The following RTN4RL1 variants were observed in gnomAD, a reference collection of about 807,000 sequenced individuals.
RTN4RL1 encodes reticulon-4 receptor-like 1.
Under a neutral mutation model 25.6 loss-of-function variants are expected in RTN4RL1, and 7 were observed. The ratio of observed to expected loss-of-function variants is 0.27; its 90% confidence interval spans 0.16 to 0.51. The LOEUF (loss-of-function observed/expected upper bound fraction) is 0.51. Among genes scored for constraint, RTN4RL1 ranks in the 20% least tolerant of loss-of-function variants. The pLI, the probability that RTN4RL1 is intolerant of heterozygous loss-of-function variation, is 0.97. For missense variants in RTN4RL1, 500 were observed against 615.6 expected, an observed-to-expected ratio of 0.81 and a Z score of 1.99; for synonymous variants, 297 against 288.2, an observed-to-expected ratio of 1.03 and a Z score of -0.31.
At chr17:1,990,967 G>A (rs1343665280) in intron 1 of RTN4RL1, among the ~76,000 whole-genome samples, 1 of 152,120 alleles carries the variant, frequency 6.6e-6, no homozygotes, top group Non-Finnish European at 1.5e-5. Context: ...CCACAATGGA[G>A]AAAATGAGAG....
chr17:2,012,002 G>C (rs1039884734), intron 1 of RTN4RL1, among the ~76,000 whole-genome samples: 2 of 152,182 alleles, frequency 1.3e-5, no homozygotes, highest in African/African-American at 4.8e-5. Flanking sequence ...GCAGTTCAAA[G>C]TAACGAGTCA....
At chr17:1,978,249 G>A (rs1393130542) in intron 1 of RTN4RL1, among the ~76,000 whole-genome samples, 1 of 152,202 alleles carries the variant, frequency 6.6e-6, no homozygotes, top group Non-Finnish European at 1.5e-5. Context: ...GTGGCCAAGA[G>A]CCCCGACCCG....
chr17:1,982,546 G>A (rs1302971131), intron 1 of RTN4RL1, among the ~76,000 whole-genome samples: 5 of 152,126 alleles, frequency 3.3e-5, no homozygotes, highest in Non-Finnish European at 2.9e-5. Flanking sequence ...ACCAGGGAGC[G>A]GAGGTTGCAG....
Position 1,998,447 on chromosome 17 carries a change from G to A in RTN4RL1, c.13+26406C>T, listed in dbSNP as rs917470853. Among the ~76,000 whole-genome samples, 46 of 152,072 alleles carry A rather than the reference G, an allele frequency of 3.0e-4. No homozygotes were observed. Among genetic ancestry groups the A allele is most frequent in the African/African-American group, 1.1e-3 (44 of 41,542 alleles). ...TTCCCTCTCGCGGGAGCCGCCGGCC[G>A]GGGATCTGCGCACCCCACGCGCCCC... On this transcript the variant is annotated intron_variant, in intron 1 of 1. Coordinates refer to ENST00000331238, the MANE Select transcript of RTN4RL1 (RefSeq NM_178568.4). The surrounding 1 kb of genome is among the most constrained non-coding windows in gnomAD (Gnocchi z 4.9).
At chr17:1,971,281 G>T (rs1033218715) in intron 1 of RTN4RL1, among the ~76,000 whole-genome samples, 1 of 152,178 alleles carries the variant, frequency 6.6e-6, no homozygotes, top group Non-Finnish European at 1.5e-5. Flanking sequence ...TGCGAAGAAG[G>T]ATGTGTTTGC....
intron 1 of RTN4RL1, among the ~76,000 whole-genome samples, chr17:1,971,961 CAA>C (rs1323277246): frequency 3.3e-4 from 20 of 59,824 alleles, no homozygotes; most frequent in Admixed American, 7.2e-4. Flanking sequence ...GACTCCCTCT[CAA>C]AAAAAAAAAA....
chr17:2,001,964 C>T (rs896485332), intron 1 of RTN4RL1, among the ~76,000 whole-genome samples: 1 of 143,564 alleles, frequency 7.0e-6, no homozygotes, highest in Non-Finnish European at 1.5e-5. Context: ...GGAGCTCAGG[C>T]AGACCTACTT....
At chr17:1,956,542 G>C (rs926097505) in intron 1 of RTN4RL1, among the ~76,000 whole-genome samples, 1 of 152,176 alleles carries the variant, frequency 6.6e-6, no homozygotes, top group Non-Finnish European at 1.5e-5. Flanking sequence ...TAACAGGCAC[G>C]ATGTTTAGAG....
intron 1 of RTN4RL1, 45 bp from the exon 2 acceptor site, chr17:1,937,853 G>T (rs1484356287): frequency 1.4e-6 from 2 of 1,460,632 alleles, no homozygotes; most frequent in African/African-American, 2.8e-5. Flanking sequence ...CCGTGCAGGT[G>T]AGGACTGGCA....
intron 1 of RTN4RL1, among the ~76,000 whole-genome samples, chr17:1,964,788 C>CTTTTTTTTTTTTTTTTT (rs34138766): frequency 1.6e-5 from 2 of 124,716 alleles, no homozygotes; most frequent in Non-Finnish European, 1.6e-5. Context: ...CTTTTCTTTT[C>CTTTTTTTTTTTTTTTTT]TTTTTTTTTT....
intron 1 of RTN4RL1, among the ~76,000 whole-genome samples, chr17:1,946,709 CTGTG>C (rs1197411008): frequency 8.2e-5 from 11 of 134,242 alleles, no homozygotes; most frequent in Admixed American, 2.4e-4. Flanking sequence ...TGCACGGGGT[CTGTG>C]TGTGTCTCTG....
chr17:2,004,140 G>A (rs1422015599), intron 1 of RTN4RL1, among the ~76,000 whole-genome samples: 5 of 151,722 alleles, frequency 3.3e-5, no homozygotes, highest in Non-Finnish European at 5.9e-5. Context: ...AGGCCGAGGC[G>A]GGTGGATCAC....
At chr17:1,971,385 G>T (rs1264306730) in intron 1 of RTN4RL1, among the ~76,000 whole-genome samples, 1 of 152,188 alleles carries the variant, frequency 6.6e-6, no homozygotes, top group Non-Finnish European at 1.5e-5. Flanking sequence ...AAATCACCCA[G>T]TCTCGGGTGT....
At chr17:1,984,187 C>A (rs1315829505) in intron 1 of RTN4RL1, among the ~76,000 whole-genome samples, 3 of 152,218 alleles carry the variant, frequency 2.0e-5, no homozygotes, top group Admixed American at 1.3e-4. Context: ...GATATTCTCC[C>A]CCCTAAAATG....
At chr17:2,011,895 C>T (rs958295335) in intron 1 of RTN4RL1, among the ~76,000 whole-genome samples, 7 of 152,254 alleles carry the variant, frequency 4.6e-5, no homozygotes, top group South Asian at 2.1e-4. Context: ...AAGAAGTTCC[C>T]GAGCCTCTTT....
rs913279902 is a variant in RTN4RL1 at position 1,998,159 on chromosome 17, G to A, written c.13+26694C>T. ...CGGAGGGGGCGGGGAGGCCTCCTTG[G>A]CTCCCTGGCCCGGATTAAATATTTA... On this transcript the variant is annotated intron_variant, in intron 1 of 1. Coordinates refer to ENST00000331238, the MANE Select transcript of RTN4RL1 (RefSeq NM_178568.4). The surrounding 1 kb of genome is among the most constrained non-coding windows in gnomAD (Gnocchi z 4.9). 1.3e-5 allele frequency among the ~76,000 whole-genome samples: 2 copies of A among 151,982 alleles called. No homozygotes were observed. The highest frequency in any genetic ancestry group is 6.5e-5 in the Admixed American group (1 of 15,270).
chr17:1,978,982 A>T (rs2066855346), intron 1 of RTN4RL1, among the ~76,000 whole-genome samples: 1 of 152,230 alleles, frequency 6.6e-6, no homozygotes, highest in African/African-American at 2.4e-5. Flanking sequence ...CACCATTTCC[A>T]TCAATCCTAA....
chr17:1,975,022 G>A (rs184193886), intron 1 of RTN4RL1, among the ~76,000 whole-genome samples: 1 of 152,286 alleles, frequency 6.6e-6, no homozygotes, highest in Non-Finnish European at 1.5e-5. Flanking sequence ...GAATCCAGAG[G>A]CCCAGGGGCC....
chr17:1,941,160 G>A (rs1915430508), intron 1 of RTN4RL1, among the ~76,000 whole-genome samples: 1 of 152,186 alleles, frequency 6.6e-6, no homozygotes, highest in Non-Finnish European at 1.5e-5. Context: ...TAAGGTCCAG[G>A]ATGCAGTTCT....
Sources: allele counts gnomAD v4.1 joint callset (sites outside exome capture counted in the v4.1 genomes callset), GRCh38; gene constraint gnomAD v4.1.1; non-coding constraint Gnocchi (gnomAD v3.1); transcripts MANE v1.5; gene names NCBI Gene and HGNC (gene_info 2026-07-23, HGNC 2026-07-21).